RNF2: variants seen among roughly 807,000 people sequenced by gnomAD.
RNF2 encodes the protein E3 ubiquitin-protein ligase RING2.
In RNF2, 6 loss-of-function variants were observed where a neutral mutation model predicts 37.2. The ratio of observed to expected loss-of-function variants is 0.16; its 90% CI spans 0.09 to 0.32. The LOEUF (loss-of-function observed/expected upper bound fraction) is 0.32, where lower values mean the gene tolerates loss of function less well. Ranked by LOEUF, RNF2 falls within the 10% of genes least tolerant of loss-of-function variation. RNF2 has a pLI of 1.00. For missense variants in RNF2, 251 were observed against 404.0 expected (o/e 0.62, Z 3.25); for synonymous variants, 133 against 132.7 (o/e 1.00, Z -0.02).
intron 1 of RNF2, among the ~76,000 whole-genome samples, chr1:185,054,281 C>G (rs1472352337): frequency 6.6e-6 from 1 of 152,160 alleles, no homozygotes; most frequent in East Asian, 1.9e-4. Context: ...GAAAACGAAC[C>G]CCCAGTTTAC....
intron 2 of RNF2, 110 bp downstream of exon 2, chr1:185,087,750 A>C: frequency 7.6e-6 from 6 of 787,214 alleles, no homozygotes; most frequent in Non-Finnish European, 1.3e-5. Flanking sequence ...TTTATATTCA[A>C]GCATTCCTGA....
intron 1 of RNF2, among the ~76,000 whole-genome samples, chr1:185,084,023 C>G (rs1651507325): frequency 6.6e-6 from 1 of 150,746 alleles, no homozygotes. Flanking sequence ...CTCACTGAAA[C>G]TTTAAACTCC....
chr1:185,076,134 G>T (rs1265229999), intron 1 of RNF2, among the ~76,000 whole-genome samples: 2 of 151,278 alleles, frequency 1.3e-5, no homozygotes, highest in Non-Finnish European at 2.9e-5. Context: ...TTTTAAATTT[G>T]CTCATGGTGT....
intron 1 of RNF2, among the ~76,000 whole-genome samples, chr1:185,077,589 A>G (rs1217376614): frequency 6.8e-6 from 1 of 146,416 alleles, no homozygotes; most frequent in Non-Finnish European, 1.5e-5. Flanking sequence ...ATATCCGTAC[A>G]TATGTGTGGT....
At chr1:185,064,499 T>C (rs1425516949) in intron 1 of RNF2, among the ~76,000 whole-genome samples, 1 of 152,224 alleles carries the variant, frequency 6.6e-6, no homozygotes, top group Admixed American at 6.5e-5. Flanking sequence ...AGCATGCTCC[T>C]TGACTTGTGA....
intron 4 of RNF2, among the ~76,000 whole-genome samples, chr1:185,096,281 A>G (rs564874245): frequency 7.2e-5 from 11 of 152,240 alleles, no homozygotes; most frequent in East Asian, 1.9e-4. Context: ...AGAATTTTCC[A>G]TCTTAACCAT....
In RNF2 at chr1:185,101,726, G is replaced by A. The variant is rs559367199; in HGVS notation, c.*1425G>A. 1 of 152,076 alleles carries A rather than the reference G, an allele frequency of 6.6e-6. No individual in the cohort carries two copies. Among genetic ancestry groups the A allele is most frequent in the Admixed American group, 6.6e-5 (1 of 15,250 alleles). 9.4% of individuals were successfully genotyped at this position (152,076 alleles called of 1,614,324 possible). On this transcript the variant is annotated 3_prime_UTR_variant, in exon 7 of 7. Coordinates refer to ENST00000367510, the MANE Select transcript of RNF2 (RefSeq NM_007212.4). ...ATTTATCTGTCAGTTTTGACAGATT[G>A]GGGCCAGCTTGATGTTTTAAATCTT...
chr1:185,087,424 C>A, intron 1 of RNF2, 128 bp from the exon 2 acceptor site: 1 of 723,602 alleles, frequency 1.4e-6, no homozygotes, highest in East Asian at 2.6e-5. Flanking sequence ...TCCCAAAGTC[C>A]CCACCTCTTA....
At chr1:185,082,487 T>C (rs1651456683) in intron 1 of RNF2, among the ~76,000 whole-genome samples, 1 of 151,836 alleles carries the variant, frequency 6.6e-6, no homozygotes. Flanking sequence ...GTAGCTGGGA[T>C]TACAGGCACA....
intron 2 of RNF2, 37 bp downstream of exon 2, chr1:185,087,677 C>G: frequency 2.8e-6 from 4 of 1,419,574 alleles, no homozygotes; most frequent in Non-Finnish European, 4.0e-6. Flanking sequence ...GCATATGAGA[C>G]GTGTAAACTG....
chr1:185,094,369 C>T (rs559436658), intron 4 of RNF2, among the ~76,000 whole-genome samples: 1 of 152,204 alleles, frequency 6.6e-6, no homozygotes, highest in Non-Finnish European at 1.5e-5. Context: ...GTCTCAACTC[C>T]TGACCTTGTG....
At chr1:185,079,832 A>G (rs1288212415) in intron 1 of RNF2, among the ~76,000 whole-genome samples, 1 of 152,144 alleles carries the variant, frequency 6.6e-6, no homozygotes, top group Non-Finnish European at 1.5e-5. Flanking sequence ...CAGGAGGCTG[A>G]GGCAGGAGAA....
chr1:185,076,265 G>GTT (rs1557967374), intron 1 of RNF2, among the ~76,000 whole-genome samples: 8 of 39,554 alleles, frequency 2.0e-4, no homozygotes, highest in East Asian at 1.3e-3. Context: ...TCTTTTATGG[G>GTT]TTGTTTTTTT....
At chr1:185,047,566 A>G (rs1026139484) in intron 1 of RNF2, among the ~76,000 whole-genome samples, 2 of 152,260 alleles carry the variant, frequency 1.3e-5, no homozygotes, top group African/African-American at 4.8e-5. Flanking sequence ...CCTAATGAAT[A>G]ATATATAACC....
chr1:185,088,599 G>A (rs1437552927), intron 2 of RNF2, among the ~76,000 whole-genome samples: 1 of 151,902 alleles, frequency 6.6e-6, no homozygotes. Context: ...GGAGGATGTA[G>A]TTAAAGTGTT....
chr1:185,100,170 T>G, intron 6 of RNF2, 30 bp from the exon 7 acceptor site: 1 of 1,506,242 alleles, frequency 6.6e-7, no homozygotes, highest in Non-Finnish European at 9.0e-7. Flanking sequence ...TGTGCAGTTT[T>G]CATAATTTTT....
At chr1:185,087,531 T>G (rs1380551626) in intron 1 of RNF2, 21 bp from the exon 2 acceptor site, 1 of 1,610,284 alleles carries the variant, frequency 6.2e-7, no homozygotes, top group Non-Finnish European at 8.5e-7. Flanking sequence ...AAAATTGTTT[T>G]TCTCTCTTCT....
chr1:185,060,905 G>A (rs1021526098), intron 1 of RNF2, among the ~76,000 whole-genome samples: 3 of 152,118 alleles, frequency 2.0e-5, no homozygotes, highest in African/African-American at 7.2e-5. Context: ...GATCACTTGA[G>A]GCCAGGAGTT....
At chr1:185,099,738 T>C in intron 5 of RNF2, 53 bp from the exon 6 acceptor site, 1 of 1,460,886 alleles carries the variant, frequency 6.8e-7, no homozygotes, top group East Asian at 2.3e-5. Context: ...TTAAGTACAT[T>C]TTTCTCATTG....
Sources: allele counts gnomAD v4.1 joint callset (sites outside exome capture counted in the v4.1 genomes callset), GRCh38; gene constraint gnomAD v4.1.1; transcripts MANE v1.5; gene names NCBI Gene and HGNC (gene_info 2026-07-23, HGNC 2026-07-21).